Variants in RANBP2 observed in about 807,000 individuals in gnomAD.
RANBP2 encodes E3 SUMO-protein ligase RanBP2.
Under a neutral mutation model 303.6 loss-of-function variants are expected in RANBP2, and 57 were observed. That is an observed-to-expected ratio of 0.19 (90% CI 0.15 to 0.23). The LOEUF (loss-of-function observed/expected upper bound fraction) is 0.23, where lower values mean the gene tolerates loss of function less well. Ranked by LOEUF, RANBP2 falls within the 10% of genes least tolerant of loss-of-function variation. The probability of loss-of-function intolerance (pLI) is 1.00; values close to 1 mark genes in which losing one functional copy is unlikely to be tolerated. For synonymous variants in RANBP2, 1,167 were observed against 1,301.5 expected (o/e 0.90, Z 2.23); for missense variants, 3,138 against 3,780.8 (o/e 0.83, Z 4.46).
At chr2:109,568,102 A>C in the RANBP2 span, 1 of 678,858 alleles carries the variant, frequency 1.5e-6, no homozygotes, top group Non-Finnish European at 2.5e-6. Flanking sequence ...GGGGGCTGGC[A>C]AACTACGGTC....
chr2:109,390,307 G>A, the RANBP2 span, among the ~76,000 whole-genome samples: 1,532 of 152,314 alleles, frequency 0.01, 23 homozygotes, highest in African/African-American at 0.035. Flanking sequence ...CCTTATCCCA[G>A]TCTGAAAACT....
the RANBP2 span, among the ~76,000 whole-genome samples, chr2:109,576,142 T>G: frequency 6.6e-6 from 1 of 152,134 alleles, no homozygotes; most frequent in Non-Finnish European, 1.5e-5. Flanking sequence ...GTGCCTATAG[T>G]CCTAGCTACT....
At chr2:109,491,593 C>T in the RANBP2 span, among the ~76,000 whole-genome samples, 1 of 152,274 alleles carries the variant, frequency 6.6e-6, no homozygotes, top group Non-Finnish European at 1.5e-5. Flanking sequence ...TGTGGGGCTG[C>T]AGGTGCTTGG....
At chr2:109,230,704 T>C in the RANBP2 span, among the ~76,000 whole-genome samples, 1 of 152,266 alleles carries the variant, frequency 6.6e-6, no homozygotes, top group Admixed American at 6.5e-5. Flanking sequence ...GATCATCAGC[T>C]ATGTCACCAG....
chr2:109,356,863 C>T, the RANBP2 span, among the ~76,000 whole-genome samples: 7 of 152,122 alleles, frequency 4.6e-5, no homozygotes, highest in African/African-American at 1.2e-4. Context: ...GACATGATCA[C>T]GGCCCCCACA....
At chr2:109,010,234 A>T in the RANBP2 span, among the ~76,000 whole-genome samples, 2 of 152,036 alleles carry the variant, frequency 1.3e-5, no homozygotes, top group Non-Finnish European at 2.9e-5. Context: ...TAACATGCTT[A>T]TATTGCTGTA....
chr2:108,929,600 C>G, the RANBP2 span, among the ~76,000 whole-genome samples: 1 of 152,190 alleles, frequency 6.6e-6, no homozygotes, highest in Non-Finnish European at 1.5e-5. Flanking sequence ...GATGCTGCCC[C>G]TTTTCTGAGC....
chr2:109,615,474 C>T, the RANBP2 span: 3 of 1,613,514 alleles, frequency 1.9e-6, no homozygotes, highest in Non-Finnish European at 2.5e-6. Context: ...CAACAAACAC[C>T]AGCTGCCGGT....
the RANBP2 span, among the ~76,000 whole-genome samples, chr2:108,955,156 T>C: frequency 6.6e-6 from 1 of 152,320 alleles, no homozygotes; most frequent in Non-Finnish European, 1.5e-5. Flanking sequence ...TTACTAGCTA[T>C]GCAACTTTGG....
the RANBP2 span, among the ~76,000 whole-genome samples, chr2:109,027,811 G>A: frequency 3.3e-5 from 5 of 152,164 alleles, no homozygotes; most frequent in African/African-American, 1.2e-4. Flanking sequence ...CCCGCCATGC[G>A]TCTTCCTTCT....
chr2:109,335,618 T>C, the RANBP2 span, among the ~76,000 whole-genome samples: 1 of 152,184 alleles, frequency 6.6e-6, no homozygotes, highest in Admixed American at 6.5e-5. Context: ...TCTGACATTC[T>C]CTAGATTTTA....
At chr2:109,628,581 T>A in the RANBP2 span, among the ~76,000 whole-genome samples, 9 of 152,310 alleles carry the variant, frequency 5.9e-5, no homozygotes, top group South Asian at 1.9e-3. Context: ...CAGTTTATAC[T>A]AATTTAAGCC....
the RANBP2 span, among the ~76,000 whole-genome samples, chr2:108,847,614 G>A: frequency 6.6e-6 from 1 of 152,146 alleles, no homozygotes; most frequent in Non-Finnish European, 1.5e-5. Context: ...GCTATAACAG[G>A]TTATATTATT....
At chr2:108,909,335 C>T in the RANBP2 span, among the ~76,000 whole-genome samples, 13 of 152,264 alleles carry the variant, frequency 8.5e-5, no homozygotes, top group South Asian at 1.5e-3. Context: ...TTTAAGAGTT[C>T]CATGCAGGGT....
the RANBP2 span, among the ~76,000 whole-genome samples, chr2:109,724,302 A>G: frequency 6.6e-6 from 1 of 152,186 alleles, no homozygotes; most frequent in African/African-American, 2.4e-5. Context: ...TAATTCTGTG[A>G]AGAATGTCAA....
At chr2:109,123,327 C>T in the RANBP2 span, among the ~76,000 whole-genome samples, 1 of 23,506 alleles carries the variant, frequency 4.3e-5, no homozygotes, top group Non-Finnish European at 2.6e-4. Context: ...TCTTTCCTTC[C>T]TTCCTTCCTT....
the RANBP2 span, among the ~76,000 whole-genome samples, chr2:109,629,355 A>ATTT: frequency 9.1e-4 from 14 of 15,376 alleles, no homozygotes; most frequent in South Asian, 2.8e-3. Context: ...ATATATATAT[A>ATTT]TTTTTTTTTT....
the RANBP2 span, among the ~76,000 whole-genome samples, chr2:109,083,742 T>C: frequency 6.6e-6 from 1 of 152,206 alleles, no homozygotes; most frequent in Non-Finnish European, 1.5e-5. Context: ...TTTTCTGCCG[T>C]GGCTGCACCC....
chr2:109,223,891 G>A, the RANBP2 span, among the ~76,000 whole-genome samples: 2 of 152,170 alleles, frequency 1.3e-5, no homozygotes, highest in African/African-American at 4.8e-5. Flanking sequence ...CAGCTACTCC[G>A]GAGGCTGAGG....
Sources: gnomAD v4.1 joint callset for allele counts (sites outside exome capture counted in the v4.1 genomes callset) on GRCh38, gnomAD v4.1.1 for gene constraint, MANE v1.5 for transcripts, NCBI Gene and HGNC (gene_info 2026-07-23, HGNC 2026-07-21) for gene names.